RANBP3: variants seen among roughly 807,000 people sequenced by gnomAD.
RANBP3 encodes the protein ran-binding protein 3.
RANBP3 carries 14 observed loss-of-function variants against 77.3 expected under a neutral mutation model. The observed-to-expected ratio is 0.18, with a 90% confidence interval of 0.12 to 0.28. The LOEUF is 0.28. Among genes scored for constraint, RANBP3 ranks in the 10% least tolerant of loss-of-function variants. The probability of loss-of-function intolerance (pLI) is 1.00; values close to 1 mark genes in which losing one functional copy is unlikely to be tolerated. For synonymous variants in RANBP3, 315 were observed against 312.4 expected, an observed-to-expected ratio of 1.01 and a Z score of -0.09; for missense variants, 586 against 752.3, an observed-to-expected ratio of 0.78 and a Z score of 2.59.
intron 9 of RANBP3, among the ~76,000 whole-genome samples, chr19:5,927,450 G>C (rs1373010395): frequency 6.6e-6 from 1 of 152,236 alleles, no homozygotes; most frequent in East Asian, 1.9e-4. Flanking sequence ...CACGTCTGGG[G>C]ACATTTGTGG....
At chr19:5,932,327 T>C in intron 7 of RANBP3, 125 bp downstream of exon 7, 1 of 758,990 alleles carries the variant, frequency 1.3e-6, no homozygotes, top group Non-Finnish European at 2.2e-6. Context: ...TCATCTTCCC[T>C]GATCTCTCTG....
chr19:5,938,717 C>T (rs1391158226), intron 5 of RANBP3, among the ~76,000 whole-genome samples: 2 of 151,990 alleles, frequency 1.3e-5, no homozygotes, highest in East Asian at 3.9e-4. Context: ...AGTTTTGAAG[C>T]TGTGATTAAA....
At chr19:5,954,531 C>A (rs1023799853) in intron 2 of RANBP3, among the ~76,000 whole-genome samples, 8 of 152,072 alleles carry the variant, frequency 5.3e-5, no homozygotes, top group African/African-American at 1.9e-4. Flanking sequence ...GGCAGCAATG[C>A]TAACAGAGAG....
chr19:5,974,643 C>T (rs189987600), intron 1 of RANBP3, among the ~76,000 whole-genome samples: 67 of 152,174 alleles, frequency 4.4e-4, no homozygotes, highest in African/African-American at 1.6e-3. Flanking sequence ...CGAGGGCCAA[C>T]AAGATGCTTT....
chr19:5,951,431 C>T lies in RANBP3; in HGVS notation c.244G>A (p.Glu82Lys). 1 of 1,586,124 alleles carries T rather than the reference C, an allele frequency of 6.3e-7. No individual in the cohort carries two copies. The highest frequency in any genetic ancestry group is 8.6e-7 in the Non-Finnish European group (1 of 1,165,040). ...SASTPPPPAP[E>K]AQLPPFPREL... ...CGCGGAAAAGGAGGAAGCTGGGCTT[C>T]AGGAGCGGGAGGCGGAGGAGTGCTG... is the stretch of plus-strand genomic sequence containing the variant. The change falls in exon 3 of 17, where the codon GAA becomes AAA. Residue 82 changes from glutamate (E) to lysine (K), a missense_variant. Transcript: ENST00000340578.
intron 1 of RANBP3, among the ~76,000 whole-genome samples, chr19:5,962,011 T>C (rs574357650): frequency 2.6e-5 from 4 of 152,152 alleles, no homozygotes; most frequent in Admixed American, 6.5e-5. Context: ...AAGCTCCCAC[T>C]GTGAGAGGCG....
At chr19:5,946,592 C>T (rs1001030497) in intron 3 of RANBP3, among the ~76,000 whole-genome samples, 2 of 152,148 alleles carry the variant, frequency 1.3e-5, no homozygotes, top group Non-Finnish European at 2.9e-5. Context: ...GAAGACAGAA[C>T]GCGTGCCTGT....
chr19:5,973,824 A>G (rs1196612151), intron 1 of RANBP3, among the ~76,000 whole-genome samples: 1 of 152,224 alleles, frequency 6.6e-6, no homozygotes, highest in Non-Finnish European at 1.5e-5. Context: ...CAATGCTCAC[A>G]GCAACCACGA....
Position 5,917,588 on chromosome 19 carries a change from T to C in RANBP3, c.*22A>G, listed in dbSNP as rs1415536203. On this transcript the variant is annotated 3_prime_UTR_variant, in exon 17 of 17. Transcript: ENST00000340578. The stretch of plus-strand genomic sequence containing the variant: ...ATAGACGGACAAAGCAGCAGCCTGG[T>C]GTGCAGCCGGGCTCCCGGCCGCTAT... The C allele has an allele frequency of 3.2e-6, 5 of 1,575,430 alleles. No individual in the cohort carries two copies. The highest frequency in any genetic ancestry group is 4.3e-6 in the Non-Finnish European group (5 of 1,164,892).
rs1021102878 is a variant in RANBP3, at chr19:5,916,579, C to G, written c.*1031G>C. On this transcript the variant is annotated 3_prime_UTR_variant, in exon 17 of 17. Coordinates refer to ENST00000340578, the MANE Select transcript of RANBP3 (RefSeq NM_007322.3). ...GAGACTGCCTGTTCTGGGACCAGCC[C>G]CTGGGCTCTTCCACCAAGATTTGGT... 5 of 152,576 alleles carry G rather than the reference C, an allele frequency of 3.3e-5. No homozygotes were observed. Among genetic ancestry groups the G allele is most frequent in the Admixed American group, 2.6e-4 (4 of 15,294 alleles). The allele number at this position is 152,576 out of a possible 1,614,324, so 9.5% of individuals were successfully genotyped here. A position where few individuals can be genotyped will look rare whatever the true frequency, so the allele number is the denominator to read the frequency against.
chr19:5,977,227 C>T (rs1291879749), intron 1 of RANBP3, among the ~76,000 whole-genome samples: 1 of 151,844 alleles, frequency 6.6e-6, no homozygotes, highest in Admixed American at 6.6e-5. Flanking sequence ...AAAAATAGGC[C>T]TCAGAAGTCT....
intron 2 of RANBP3, among the ~76,000 whole-genome samples, chr19:5,954,636 G>A (rs550840260): frequency 3.3e-5 from 5 of 152,208 alleles, no homozygotes; most frequent in South Asian, 2.1e-4. Context: ...AGGGTGGGGC[G>A]GGGGGAACCT....
intron 1 of RANBP3, among the ~76,000 whole-genome samples, chr19:5,964,863 GTGGCACGGT>G (rs1301167748): frequency 0.014 from 1,307 of 91,406 alleles, no homozygotes; most frequent in East Asian, 0.026. Context: ...GGGGGGGGGG[GTGGCACGGT>G]GGGGGGTCAC....
At chr19:5,920,672 C>T (rs560230829) in intron 14 of RANBP3, among the ~76,000 whole-genome samples, 78 of 152,226 alleles carry the variant, frequency 5.1e-4, no homozygotes, top group African/African-American at 1.7e-3. Flanking sequence ...CTCAGCCTCC[C>T]GAGTAGCTGG....
chr19:5,921,081 G>T lies in RANBP3; in HGVS notation c.1330+120C>A. 1 of 1,327,356 alleles carries T rather than the reference G, an allele frequency of 7.5e-7. No homozygotes were observed. Among genetic ancestry groups the T allele is most frequent in the Non-Finnish European group, 1.0e-6 (1 of 986,674 alleles). The allele number at this position is 1,327,356 out of a possible 1,614,324, so 82.2% of individuals were successfully genotyped here. The stretch of plus-strand genomic sequence containing the variant: ...GCGGCTCTCATGGGAGACCGACTCT[G>T]TGCCTTGACTCTCACAAGGGTAGGG... On this transcript the variant is annotated intron_variant, in intron 14 of 16. Transcript: ENST00000340578. This position sits in a 1 kb window ranked among gnomAD's most constrained non-coding sequence, Gnocchi z 5.3.
At chr19:5,954,461 C>T (rs2058312045) in intron 2 of RANBP3, among the ~76,000 whole-genome samples, 1 of 151,976 alleles carries the variant, frequency 6.6e-6, no homozygotes, top group African/African-American at 2.4e-5. Flanking sequence ...TATGAGACAC[C>T]CGTGGAAGAA....
chr19:5,947,233 G>A (rs900077199), intron 3 of RANBP3, among the ~76,000 whole-genome samples: 9 of 150,824 alleles, frequency 6.0e-5, no homozygotes, highest in Non-Finnish European at 1.3e-4. Flanking sequence ...AGAATCGCTT[G>A]AACCCAGGAG....
chr19:5,925,623 G>A lies in RANBP3; in HGVS notation c.917+11C>T, dbSNP rs1257966170. The A allele has an allele frequency of 3.7e-6, 6 of 1,612,514 alleles. No individual in the cohort carries two copies. Among genetic ancestry groups the A allele is most frequent in the African/African-American group, 1.3e-5 (1 of 74,894 alleles). ...CCATGCCAGGCTGGCCGCTGACACCGAGACACACACCTGGAACTGATATAC... is the reference window on the plus strand; with the variant it reads ...CCATGCCAGGCTGGCCGCTGACACCAAGACACACACCTGGAACTGATATAC... On this transcript the variant is annotated intron_variant, in intron 10 of 16. Transcript: ENST00000340578.
rs962599037 is a variant in RANBP3 at position 5,959,517 on chromosome 19, G to A, written c.23-1544C>T. ...ACCGTGTACAGCCAAGGCAAACACT[G>A]GAGTGAGTGGCGTGCGCGAGACCCA... On this transcript the variant is annotated intron_variant, in intron 1 of 16. Transcript: ENST00000340578. The surrounding 1 kb of genome is among the most constrained non-coding windows in gnomAD (Gnocchi z 5.1). Among the ~76,000 whole-genome samples, 64 of 152,094 alleles carry A rather than the reference G, an allele frequency of 4.2e-4. No homozygotes were observed. The highest frequency in any genetic ancestry group is 1.5e-3 in the African/African-American group (63 of 41,412).
Sources: allele counts gnomAD v4.1 joint callset (sites outside exome capture counted in the v4.1 genomes callset), GRCh38; gene constraint gnomAD v4.1.1; non-coding constraint Gnocchi (gnomAD v3.1); transcripts MANE v1.5; gene names NCBI Gene and HGNC (gene_info 2026-07-23, HGNC 2026-07-21).